The following BMPER variants were observed in gnomAD, a reference collection of about 807,000 sequenced individuals.
BMPER encodes BMP-binding endothelial regulator protein.
BMPER carries 45 observed loss-of-function variants against 87.3 expected under a neutral mutation model. That is an observed-to-expected ratio of 0.52 (90% CI 0.41 to 0.66). The LOEUF (loss-of-function observed/expected upper bound fraction) is 0.66. Ranked by LOEUF, BMPER falls within the 30% of genes least tolerant of loss-of-function variation. The probability of loss-of-function intolerance (pLI) is 0.00; values close to 1 mark genes in which losing one functional copy is unlikely to be tolerated. For missense variants in BMPER, 784 were observed against 867.5 expected (o/e 0.90, Z 1.21); for synonymous variants, 326 against 316.2 (o/e 1.03, Z -0.33).
chr7:34,131,972 C>T (rs1035807862), intron 13 of BMPER, among the ~76,000 whole-genome samples: 2 of 151,966 alleles, frequency 1.3e-5, no homozygotes, highest in Non-Finnish European at 1.5e-5. Context: ...TTTAGGGATT[C>T]GTTGGGGGAA....
chr7:33,933,246 G>A (rs991906156), intron 2 of BMPER, among the ~76,000 whole-genome samples: 1 of 152,086 alleles, frequency 6.6e-6, no homozygotes, highest in African/African-American at 2.4e-5. Context: ...TGCCTCCAGA[G>A]GCTACATTTT....
intron 9 of BMPER, among the ~76,000 whole-genome samples, chr7:34,057,547 C>T (rs1199836576): frequency 6.6e-6 from 1 of 152,154 alleles, no homozygotes; most frequent in Non-Finnish European, 1.5e-5. Context: ...CACTGGGAGT[C>T]ATTTGAATTA....
chr7:34,077,727 T>A (rs965801271), intron 11 of BMPER, among the ~76,000 whole-genome samples: 1 of 152,190 alleles, frequency 6.6e-6, no homozygotes, highest in African/African-American at 2.4e-5. Context: ...AGCAAATGTT[T>A]CCATTGGATC....
At chr7:34,098,436 A>G (rs1012819966) in intron 13 of BMPER, among the ~76,000 whole-genome samples, 22 of 152,306 alleles carry the variant, frequency 1.4e-4, no homozygotes, top group South Asian at 6.2e-4. Context: ...AGTCTGGTCA[A>G]TGGGCACAGA....
chr7:33,942,077 AT>A (rs950015642), intron 3 of BMPER, among the ~76,000 whole-genome samples: 1 of 152,044 alleles, frequency 6.6e-6, no homozygotes, highest in African/African-American at 2.4e-5. Context: ...GGGAAGGTGA[AT>A]CTAGTATTAT....
Position 34,113,620 on chromosome 7 carries a change from T to TTAA in BMPER, c.1745+27538_1745+27540dup, listed in dbSNP as rs1610974. Among the ~76,000 whole-genome samples, 888 of 151,130 alleles carry TTAA rather than the reference T, an allele frequency of 5.9e-3. 11 individuals are homozygous for TTAA. Among genetic ancestry groups the TTAA allele is most frequent in the African/African-American group, 0.02 (838 of 41,206 alleles). On this transcript the variant is annotated intron_variant, in intron 13 of 14. Transcript: ENST00000649409. ...TATAATAAAATATAAAACTTTGGGC[T>TTAA]TAATAATAATAAGTTTAAAAAATTA...
chr7:33,919,857 G>A (rs774901941), intron 2 of BMPER, among the ~76,000 whole-genome samples: 6 of 152,042 alleles, frequency 3.9e-5, no homozygotes, highest in Non-Finnish European at 8.8e-5. Flanking sequence ...TGGAATATTC[G>A]ATTAGTCAGA....
Position 34,085,895 on chromosome 7 carries a change from G to T in BMPER, c.1548G>T (p.Lys516Asn), listed in dbSNP as rs767478240. The T allele has an allele frequency of 6.2e-7, 1 of 1,614,176 alleles. No homozygotes were observed. Among genetic ancestry groups the T allele is most frequent in the Non-Finnish European group, 8.5e-7 (1 of 1,180,036 alleles). Residue 516 changes from lysine to asparagine, a missense_variant, in exon 13 of 15, where the codon AAG becomes AAT. By Grantham distance (94) the Lys-to-Asn change is moderately conservative (BLOSUM62 0). Transcript: ENST00000649409. Reference sequence around the variant, plus strand: ...TAATTGGTGGAGATGGAAACTTCAAGTTTGATGTGGATGACTTTGCTGAAT... The same window carrying T: ...TAATTGGTGGAGATGGAAACTTCAATTTTGATGTGGATGACTTTGCTGAAT... ...DDLIGGDGNF[K>N]FDVDDFAESW...
At chr7:34,020,101 G>A (rs1285794155) in intron 6 of BMPER, among the ~76,000 whole-genome samples, 2 of 151,832 alleles carry the variant, frequency 1.3e-5, no homozygotes, top group Non-Finnish European at 2.9e-5. Flanking sequence ...CCTAGAAAGT[G>A]ATTTAGAATG....
intron 14 of BMPER, 72 bp downstream of exon 14, chr7:34,143,432 G>A: frequency 6.3e-7 from 1 of 1,596,860 alleles, no homozygotes; most frequent in African/African-American, 1.3e-5. Context: ...GAGGAGACTT[G>A]TGGATGCTGA....
In BMPER at chr7:34,153,260, G is replaced by GA; in HGVS notation, c.2045_2046insA (p.Cys682Ter). The change falls in exon 15 of 15, where the codon TGT becomes TGAT. Residue 682 changes from cysteine to a stop codon, truncating the protein, a stop_gained and frameshift_variant. Transcript: ENST00000649409. LOFTEE classifies it high-confidence loss of function. ...GGAAGGTGCATCAAGCCAGTCCTTT[G>GA]TCCCCAGCGGTGACCTTTGTTTCGA... is the stretch of plus-strand genomic sequence containing the variant. ...HKGRCIKPVL[C>*]PQR 1.9e-6 allele frequency: 3 copies of GA among 1,613,988 alleles called. No individual in the cohort carries two copies. Among genetic ancestry groups the GA allele is most frequent in the Non-Finnish European group, 2.5e-6 (3 of 1,179,958 alleles).
At chr7:34,039,603 TACACACACACAC>T (rs56214614) in intron 6 of BMPER, among the ~76,000 whole-genome samples, 278 of 142,686 alleles carry the variant, frequency 1.9e-3, no homozygotes, top group African/African-American at 6.6e-3. Flanking sequence ...GACACACAAA[TACACACACACAC>T]ACACACACAC....
chr7:33,943,381 T>C (rs2128611139), intron 3 of BMPER, among the ~76,000 whole-genome samples: 1 of 152,328 alleles, frequency 6.6e-6, no homozygotes, highest in South Asian at 2.1e-4. Context: ...CTTAGGAATT[T>C]TCCCAGGCCA....
rs1454063245 is a variant in BMPER at position 34,156,108 on chromosome 7, A to AAGGCC, written c.*2836_*2840dup. Among the ~76,000 whole-genome samples the AAGGCC allele has an allele frequency of 6.6e-6, 1 of 152,198 alleles. No individual in the cohort carries two copies. The highest frequency in any genetic ancestry group is 1.5e-5 in the Non-Finnish European group (1 of 68,032). ...TAAGAATCACTAACTCTTCAGGTTG[A>AAGGCC]AGGCCTCACTCATCTTAACTCGTTG... On this transcript the variant is annotated 3_prime_UTR_variant, in exon 15 of 15. Coordinates refer to ENST00000649409, the MANE Select transcript of BMPER (RefSeq NM_001365308.1).
intron 2 of BMPER, among the ~76,000 whole-genome samples, chr7:33,923,497 G>A (rs958091270): frequency 8.5e-5 from 13 of 152,296 alleles, no homozygotes; most frequent in African/African-American, 3.1e-4. Flanking sequence ...ACTTAGGTTG[G>A]AAGGTGTGAT....
In BMPER at chr7:34,011,150, A is replaced by T. The variant is rs1786863456; in HGVS notation, c.577-35156A>T. Reference sequence around the variant, plus strand: ...AGGCTACCTATTAGAAAATAAGGAGATTACTGTAAGCAGCAACCTGGGATC... The same window carrying T: ...AGGCTACCTATTAGAAAATAAGGAGTTTACTGTAAGCAGCAACCTGGGATC... On this transcript the variant is annotated intron_variant, in intron 6 of 14. Transcript: ENST00000649409. Among the ~76,000 whole-genome samples the T allele has an allele frequency of 2.0e-5, 3 of 151,870 alleles. No homozygotes were observed. In the South Asian group the frequency reaches 6.2e-4, roughly 32 times the overall value.
Position 33,905,636 on chromosome 7 carries a change from G to C in BMPER, c.23G>C (p.Gly8Ala). 1 of 1,613,166 alleles carries C rather than the reference G, an allele frequency of 6.2e-7. No individual in the cohort carries two copies. The highest frequency in any genetic ancestry group is 8.5e-7 in the Non-Finnish European group (1 of 1,179,914). ...ACGATGCTCTGGTTCTCCGGCGTCG[G>C]GGCTCTGGCTGAGCGTTACTGCCGC... is the stretch of plus-strand genomic sequence containing the variant. MLWFSGV[G>A]ALAERYCRRS... The change falls in exon 1 of 15, where the codon GGG (glycine) becomes GCG (alanine). Residue 8 changes from glycine (G) to alanine (A), a missense_variant. Transcript: ENST00000649409.
chr7:33,930,862 A>G (rs572755962), intron 2 of BMPER, among the ~76,000 whole-genome samples: 9 of 152,202 alleles, frequency 5.9e-5, no homozygotes, highest in African/African-American at 2.2e-4. Flanking sequence ...GAGATGGGAG[A>G]TTGTTTGAGT....
At chr7:34,113,198 C>CT (rs1449192007) in intron 13 of BMPER, among the ~76,000 whole-genome samples, 7 of 151,804 alleles carry the variant, frequency 4.6e-5, no homozygotes, top group Admixed American at 1.3e-4. Context: ...TGATATTCAT[C>CT]TTTTTTCTAT....
Sources: allele counts gnomAD v4.1 joint callset (sites outside exome capture counted in the v4.1 genomes callset), GRCh38; gene constraint gnomAD v4.1.1; transcripts MANE v1.5; gene names NCBI Gene and HGNC (gene_info 2026-07-23, HGNC 2026-07-21).